Variants in SHANK2 observed in about 807,000 individuals in gnomAD.
SHANK2 encodes SH3 and multiple ankyrin repeat domains 2, also known as SH3 and multiple ankyrin repeat domains protein 2.
SHANK2 carries 43 observed loss-of-function variants against 133.7 expected under a neutral mutation model. The ratio of observed to expected loss-of-function variants is 0.32; its 90% CI spans 0.25 to 0.41. The LOEUF is 0.41. Ranked by LOEUF, SHANK2 falls within the 10% of genes least tolerant of loss-of-function variation. SHANK2 has a pLI of 1.00. For missense variants in SHANK2, 1,994 were observed against 2,235.8 expected, an observed-to-expected ratio of 0.89 and a Z score of 2.18; for synonymous variants, 1,017 against 952.8, an observed-to-expected ratio of 1.07 and a Z score of -1.24.
chr11:70,657,711 C>T (rs559641420), intron 17 of SHANK2, among the ~76,000 whole-genome samples: 1 of 152,332 alleles, frequency 6.6e-6, no homozygotes, highest in Non-Finnish European at 1.5e-5. Flanking sequence ...TCCTAGAATA[C>T]TGGAAGTCAG....
chr11:70,952,437 T>C (rs1950858188), intron 10 of SHANK2, among the ~76,000 whole-genome samples: 1 of 152,172 alleles, frequency 6.6e-6, no homozygotes, highest in Non-Finnish European at 1.5e-5. Flanking sequence ...CTGCATTTGC[T>C]CCCTCCTCTT....
intron 6 of SHANK2, among the ~76,000 whole-genome samples, chr11:71,095,866 CTTCA>C (rs1283380012): frequency 6.6e-6 from 1 of 152,118 alleles, no homozygotes; most frequent in Non-Finnish European, 1.5e-5. Context: ...ATGCCAGCAT[CTTCA>C]TTCATCCTGT....
chr11:71,247,678 C>T (rs1403082340), intron 1 of SHANK2, among the ~76,000 whole-genome samples: 4 of 152,170 alleles, frequency 2.6e-5, no homozygotes, highest in Non-Finnish European at 4.4e-5. Flanking sequence ...TCTGGGGGAG[C>T]TCCCGTGCTG....
chr11:70,762,934 C>T (rs1555040551), intron 14 of SHANK2, among the ~76,000 whole-genome samples: 1 of 152,166 alleles, frequency 6.6e-6, no homozygotes, highest in Non-Finnish European at 1.5e-5. Context: ...TGGCTGGTGG[C>T]CAGGCCACGT....
intron 10 of SHANK2, among the ~76,000 whole-genome samples, chr11:70,927,780 A>C (rs1473376541): frequency 6.6e-6 from 1 of 152,156 alleles, no homozygotes; most frequent in African/African-American, 2.4e-5. Context: ...CAGCATTTGA[A>C]TCGGTAAACC....
intron 15 of SHANK2, among the ~76,000 whole-genome samples, chr11:70,695,357 GT>G (rs1945371316): frequency 6.6e-6 from 1 of 151,542 alleles, no homozygotes; most frequent in Non-Finnish European, 1.5e-5. Flanking sequence ...AAATGGGGGG[GT>G]GGGGAAAGAA....
intron 17 of SHANK2, among the ~76,000 whole-genome samples, chr11:70,520,409 C>T (rs1000965804): frequency 6.6e-6 from 1 of 152,130 alleles, no homozygotes; most frequent in African/African-American, 2.4e-5. Context: ...GTCTTTTGTT[C>T]TACCCCTGAA....
In SHANK2 at chr11:70,826,984, A is replaced by AT. The variant is rs1317011994; in HGVS notation, c.1175-6303dup. Among the ~76,000 whole-genome samples the AT allele has an allele frequency of 2.6e-5, 4 of 152,100 alleles. No individual in the cohort carries two copies. In the East Asian group the frequency reaches 5.8e-4, roughly 22 times the overall value. On this transcript the variant is annotated intron_variant, in intron 11 of 25. Coordinates refer to ENST00000601538, the MANE Select transcript of SHANK2 (RefSeq NM_012309.5). The stretch of plus-strand genomic sequence containing the variant: ...TAAATATACTGCACTGTGCTTTTCT[A>AT]TTTTTTTAAAAAAAAATTTTTTTAA...
At chr11:71,253,105 C>A (rs1200852297), upstream of SHANK2, among the ~76,000 whole-genome samples, 9 of 152,084 alleles carry the variant, frequency 5.9e-5, no homozygotes, top group Non-Finnish European at 1.3e-4. Context: ...GGGTGCACAA[C>A]GGTATCTCCG....
intron 17 of SHANK2, among the ~76,000 whole-genome samples, chr11:70,545,065 C>T (rs2059672253): frequency 6.6e-6 from 1 of 152,178 alleles, no homozygotes. Context: ...GTGGCAAGAG[C>T]CCAGGCCAGG....
chr11:70,665,044 C>T (rs1401147997), intron 15 of SHANK2, among the ~76,000 whole-genome samples: 1 of 152,232 alleles, frequency 6.6e-6, no homozygotes, highest in African/African-American at 2.4e-5. Context: ...GCACACGCCA[C>T]CCTCTCTTCC....
At chr11:70,675,766 G>A (rs1944894561) in intron 15 of SHANK2, among the ~76,000 whole-genome samples, 1 of 152,214 alleles carries the variant, frequency 6.6e-6, no homozygotes, top group Non-Finnish European at 1.5e-5. Context: ...AATTGGAAAT[G>A]GTGGACCAAA....
At chr11:70,863,152 A>G in intron 11 of SHANK2, 1 of 360,384 alleles carries the variant, frequency 2.8e-6, no homozygotes, top group South Asian at 2.0e-5. Context: ...ACAAATCTCA[A>G]AAATAATTTG....
intron 6 of SHANK2, among the ~76,000 whole-genome samples, chr11:71,108,273 G>T (rs77610191): frequency 6.6e-6 from 1 of 152,184 alleles, no homozygotes; most frequent in South Asian, 2.1e-4. Flanking sequence ...ACGCATCCAC[G>T]TCAGGGAAAG....
intron 9 of SHANK2, among the ~76,000 whole-genome samples, chr11:71,067,578 G>T (rs1412880358): frequency 1.3e-5 from 2 of 152,140 alleles, no homozygotes; most frequent in African/African-American, 4.8e-5. Flanking sequence ...GTGTGGAGGT[G>T]GTAAGGCCTG....
chr11:70,927,646 A>G (rs1950447243), intron 10 of SHANK2, among the ~76,000 whole-genome samples: 1 of 152,144 alleles, frequency 6.6e-6, no homozygotes, highest in South Asian at 2.1e-4. Context: ...GTGACCTTCA[A>G]GGCCAGTGAC....
At chr11:70,528,717 G>A (rs1473744051) in intron 17 of SHANK2, among the ~76,000 whole-genome samples, 1 of 151,940 alleles carries the variant, frequency 6.6e-6, no homozygotes, top group Non-Finnish European at 1.5e-5. Flanking sequence ...GCTCCCCAGG[G>A]GCATGGAAGG....
chr11:70,686,690 C>A (rs1945161906), intron 15 of SHANK2, among the ~76,000 whole-genome samples: 1 of 152,190 alleles, frequency 6.6e-6, no homozygotes, highest in African/African-American at 2.4e-5. Flanking sequence ...TCCTGCATGG[C>A]CCAGGTAATG....
At chr11:70,585,096 C>T (rs2060231605) in intron 17 of SHANK2, among the ~76,000 whole-genome samples, 1 of 152,360 alleles carries the variant, frequency 6.6e-6, no homozygotes, top group Admixed American at 6.5e-5. Context: ...CGCAGCCCCT[C>T]TGAGCTGGCA....
Sources: allele counts gnomAD v4.1 joint callset (sites outside exome capture counted in the v4.1 genomes callset), GRCh38; gene constraint gnomAD v4.1.1; transcripts MANE v1.5; gene names NCBI Gene and HGNC (gene_info 2026-07-23, HGNC 2026-07-21).